The following ECE2 variants were observed in gnomAD, a reference collection of about 807,000 sequenced individuals.
The protein encoded by ECE2 is endothelin-converting enzyme 2.
A neutral mutation model predicts 100.6 loss-of-function variants in ECE2; 81 were observed. The observed-to-expected ratio is 0.81, with a 90% CI of 0.67 to 0.97. ECE2 has a LOEUF of 0.97. Ranked by LOEUF, ECE2 falls within the 50% of genes least tolerant of loss-of-function variation. ECE2 has a pLI of 0.00. For synonymous variants in ECE2, 391 were observed against 391.5 expected, an observed-to-expected ratio of 1.00 and a Z score of 0.02; for missense variants, 911 against 988.1, an observed-to-expected ratio of 0.92 and a Z score of 1.05.
In ECE2 at chr3:184,277,308, T is replaced by C; in HGVS notation, c.320T>C (p.Leu107Pro). The change falls in exon 4 of 19, where the codon CTG (leucine) becomes CCG (proline). Residue 107 changes from leucine to proline, a missense_variant. Coordinates refer to ENST00000404464, the MANE Select transcript of ECE2 (RefSeq NM_001100121.2). ...EACIRVAGKI[L>P]ESLDRGVSPC... The stretch of plus-strand genomic sequence containing the variant: ...TGCATTCGAGTGGCTGGAAAAATCC[T>C]GGAGTCCCTGGACCGAGGGGTGAGC... 1 of 1,614,242 alleles carries C rather than the reference T, an allele frequency of 6.2e-7. No homozygotes were observed. Among genetic ancestry groups the C allele is most frequent in the Non-Finnish European group, 8.5e-7 (1 of 1,180,046 alleles).
At chr3:184,278,585 C>T in intron 7 of ECE2, 28 bp downstream of exon 7, 2 of 1,612,780 alleles carry the variant, frequency 1.2e-6, no homozygotes, top group South Asian at 1.1e-5. Context: ...AACCCCCATC[C>T]CTACCCCTGG....
In ECE2 at chr3:184,278,066, G is replaced by A. The variant is rs2272471; in HGVS notation, c.603+17G>A. 806,194 of 1,613,454 alleles carry A rather than the reference G, an allele frequency of 0.5. 203,393 individuals carry two copies. The highest frequency in any genetic ancestry group is 0.63 in the Admixed American group (38,034 of 59,942). ...ATTGAGAAGGTAGGGCCACTGAGCC[G>A]GTTGAGGGCAGGGGAGCAGGAGAGG... On this transcript the variant is annotated intron_variant, in intron 5 of 18. Transcript: ENST00000404464.
Position 184,292,184 on chromosome 3 carries a change from C to T in ECE2, c.2244C>T (p.Phe748=), listed in dbSNP as rs777227392. The T allele has an allele frequency of 1.5e-5, 25 of 1,614,150 alleles. No homozygotes were observed. Among genetic ancestry groups the T allele is most frequent in the Middle Eastern group, 1.7e-4 (1 of 6,060 alleles). Residue 748 remains phenylalanine, a synonymous_variant, in exon 19 of 19, where the codon TTC becomes TTT. Transcript: ENST00000404464. ...ACTCCCGTGACTTCCTGCGGCACTTCGGCTGCCCTGTCGGCTCCCCCATGA... is the reference window on the plus strand; with the variant it reads ...ACTCCCGTGACTTCCTGCGGCACTTTGGCTGCCCTGTCGGCTCCCCCATGA... ...LSNSRDFLRH[F]GCPVGSPMNP...
chr3:184,276,213 C>T (rs756497408), intron 1 of ECE2, 21 bp downstream of exon 1: 76 of 1,443,708 alleles, frequency 5.3e-5, no homozygotes, highest in Non-Finnish European at 6.0e-5. Flanking sequence ...GCCCCGGGCT[C>T]CACGGGAGGG....
intron 10 of ECE2, among the ~76,000 whole-genome samples, chr3:184,286,796 T>TA (rs11449762): frequency 0.67 from 81,458 of 121,816 alleles, 27,513 homozygotes; most frequent in African/African-American, 0.81. Context: ...AAACTCTGTT[T>TA]AAAAAAAAAA....
chr3:184,277,235 A>G lies in ECE2; in HGVS notation c.263-16A>G, dbSNP rs780543994. ...ACTGACAGTCTCCTACCCTCCGGCC[A>G]TGTTCCCTACCACAGACCCATCCCA... On this transcript the variant is annotated splice_polypyrimidine_tract_variant and intron_variant, in intron 3 of 18. Coordinates refer to ENST00000404464, the MANE Select transcript of ECE2 (RefSeq NM_001100121.2). The G allele has an allele frequency of 1.2e-6, 2 of 1,613,992 alleles. No homozygotes were observed. Among genetic ancestry groups the G allele is most frequent in the African/African-American group, 1.3e-5 (1 of 75,016 alleles).
rs772980311 is a variant in ECE2, at chr3:184,285,579, A to T, written c.1250A>T (p.Tyr417Phe). 1 of 1,613,554 alleles carries T rather than the reference A, an allele frequency of 6.2e-7. No homozygotes were observed. Among genetic ancestry groups the T allele is most frequent in the Non-Finnish European group, 8.5e-7 (1 of 1,179,492 alleles). ...CAAGAGAAGCTGCTGGAGACCCTCT[A>T]TGGCACTAAGAAGGTGGGCTTTCTG... Reference protein sequence around the residue: ...SAQEKLLETLYGTKKSCVPRW... With the variant: ...SAQEKLLETLFGTKKSCVPRW... Residue 417 changes from tyrosine (Y) to phenylalanine (F), a missense_variant, in exon 10 of 19, where the codon TAT (tyrosine) becomes TTT (phenylalanine). Transcript: ENST00000404464.
Position 184,291,279 on chromosome 3 carries a change from G to A in ECE2, c.2025+49G>A. On this transcript the variant is annotated intron_variant, in intron 17 of 18. Transcript: ENST00000404464. This position sits in a 1 kb window ranked among gnomAD's most constrained non-coding sequence, Gnocchi z 4.1. ...AGCGGCTGAGGCCTGCTGGCCTGGG[G>A]TGAAAGGTGCCGGGTGGGTGGGGGC... 3 of 1,594,566 alleles carry A rather than the reference G, an allele frequency of 1.9e-6. No homozygotes were observed. Among genetic ancestry groups the A allele is most frequent in the Middle Eastern group, 1.7e-4 (1 of 5,940 alleles).
At chr3:184,287,998 T>C (rs751324816) in intron 11 of ECE2, 51 bp downstream of exon 11, 126 of 1,552,998 alleles carry the variant, frequency 8.1e-5, no homozygotes, top group Non-Finnish European at 9.7e-5. Context: ...TGACTGTTCA[T>C]GTATGTGCAG....
chr3:184,277,362 G>A lies in ECE2; in HGVS notation c.374G>A (p.Cys125Tyr). 6.2e-7 allele frequency: 1 copy of A among 1,614,272 alleles called. No individual in the cohort carries two copies. Among genetic ancestry groups the A allele is most frequent in the East Asian group, 2.2e-5 (1 of 44,882 alleles). ...TGTGAGGACTTTTACCAGTTCTCCTGTGGGGGCTGGATTCGGAGGAACCCC... is the reference window on the plus strand; with the variant it reads ...TGTGAGGACTTTTACCAGTTCTCCTATGGGGGCTGGATTCGGAGGAACCCC... ...SPCEDFYQFSCGGWIRRNPLP... is the reference protein window; with the variant it reads ...SPCEDFYQFSYGGWIRRNPLP... The change falls in exon 4 of 19, where the codon TGT (cysteine) becomes TAT (tyrosine). Residue 125 changes from cysteine to tyrosine, a missense_variant. By Grantham distance (194) the Cys-to-Tyr change is radical (BLOSUM62 -2). Transcript: ENST00000404464.
chr3:184,276,651 G>A, intron 2 of ECE2, 84 bp downstream of exon 2: 2 of 1,575,682 alleles, frequency 1.3e-6, no homozygotes, highest in Non-Finnish European at 1.7e-6. Flanking sequence ...GGCTGTTCTG[G>A]AGGGTCACCT....
Position 184,292,264 on chromosome 3 carries a change from G to C in ECE2, c.*26G>C. ...ACCTGGATCAGGGGAGAAATGGCCA[G>C]CTGTCACCAGACCTGGGGCAGCTCT... is the stretch of plus-strand genomic sequence containing the variant. On this transcript the variant is annotated 3_prime_UTR_variant, in exon 19 of 19. Transcript: ENST00000404464. 6.2e-7 allele frequency: 1 copy of C among 1,611,474 alleles called. No homozygotes were observed. The highest frequency in any genetic ancestry group is 8.5e-7 in the Non-Finnish European group (1 of 1,178,082).
chr3:184,292,271 C>G lies in ECE2; in HGVS notation c.*33C>G. The G allele has an allele frequency of 6.2e-7, 1 of 1,610,354 alleles. No individual in the cohort carries two copies. The highest frequency in any genetic ancestry group is 8.5e-7 in the Non-Finnish European group (1 of 1,177,218). On this transcript the variant is annotated 3_prime_UTR_variant, in exon 19 of 19. Transcript: ENST00000404464. ...TCAGGGGAGAAATGGCCAGCTGTCACCAGACCTGGGGCAGCTCTCCTGACA... is the reference window on the plus strand; with the variant it reads ...TCAGGGGAGAAATGGCCAGCTGTCAGCAGACCTGGGGCAGCTCTCCTGACA...
intron 7 of ECE2, chr3:184,278,772 T>G (rs1720689204): frequency 3.4e-6 from 2 of 591,418 alleles, no homozygotes; most frequent in Non-Finnish European, 5.9e-6. Flanking sequence ...TCTAGTAGGT[T>G]TCATAGACAC....
chr3:184,289,425 C>T lies in ECE2; in HGVS notation c.1375-12C>T, dbSNP rs1451431977. The T allele has an allele frequency of 6.3e-7, 1 of 1,591,204 alleles. No homozygotes were observed. On this transcript the variant is annotated splice_polypyrimidine_tract_variant and intron_variant, in intron 11 of 18. Transcript: ENST00000404464. This position sits in a 1 kb window ranked among gnomAD's most constrained non-coding sequence, Gnocchi z 4.1. ...GTGCAGGGGAAGGCTGACTTTACCT[C>T]CTCCCTCCCAGGCAGAGGGGATGAT...
chr3:184,289,459 TCCG>T lies in ECE2; in HGVS notation c.1398_1400del (p.Ile466_Arg467delinsMet), dbSNP rs1320135370. The T allele has an allele frequency of 6.2e-7, 1 of 1,609,776 alleles. No homozygotes were observed. Among genetic ancestry groups the T allele is most frequent in the East Asian group, 2.2e-5 (1 of 44,782 alleles). On this transcript the variant is annotated inframe_deletion, in exon 12 of 19. Coordinates refer to ENST00000404464, the MANE Select transcript of ECE2 (RefSeq NM_001100121.2). The surrounding 1 kb of genome is among the most constrained non-coding windows in gnomAD (Gnocchi z 4.1). ...CAGGCAGAGGGGATGATCAGCGAAA[TCCG>T]GACCGCATTTGAGGAGGCCCTGGGA...
chr3:184,285,691 C>T, intron 10 of ECE2, 99 bp downstream of exon 10: 4 of 899,478 alleles, frequency 4.4e-6, no homozygotes, highest in South Asian at 1.4e-5. Flanking sequence ...TGCACAGGTG[C>T]ATAGTATGGA....
In ECE2 at chr3:184,292,259, G is replaced by A. The variant is rs764860613; in HGVS notation, c.*21G>A. 7 of 1,612,728 alleles carry A rather than the reference G, an allele frequency of 4.3e-6. No individual in the cohort carries two copies. Among genetic ancestry groups the A allele is most frequent in the Non-Finnish European group, 5.1e-6 (6 of 1,179,110 alleles). ...GGTAGACCTGGATCAGGGGAGAAAT[G>A]GCCAGCTGTCACCAGACCTGGGGCA... On this transcript the variant is annotated 3_prime_UTR_variant, in exon 19 of 19. Coordinates refer to ENST00000404464, the MANE Select transcript of ECE2 (RefSeq NM_001100121.2).
rs756160102 is a variant in ECE2, at chr3:184,290,519, G to C, written c.1656-38G>C. 14 of 1,600,100 alleles carry C rather than the reference G, an allele frequency of 8.7e-6. No homozygotes were observed. The South Asian group carries it at 1.5e-4, about 18-fold the overall frequency. Reference sequence around the variant, plus strand: ...TGTTGGGAGGGGAGCAGTGTCAGGAGAGTCGGGAGCCTCAGCCCCTCACTC... The same window carrying C: ...TGTTGGGAGGGGAGCAGTGTCAGGACAGTCGGGAGCCTCAGCCCCTCACTC... On this transcript the variant is annotated intron_variant, in intron 14 of 18. Transcript: ENST00000404464.
Sources: gnomAD v4.1 joint callset for allele counts (sites outside exome capture counted in the v4.1 genomes callset) on GRCh38, gnomAD v4.1.1 for gene constraint, Gnocchi (gnomAD v3.1) non-coding constraint, MANE v1.5 for transcripts, NCBI Gene and HGNC (gene_info 2026-07-23, HGNC 2026-07-21) for gene names.